The following TP63 variants were observed in gnomAD, a reference collection of about 807,000 sequenced individuals.
The protein encoded by TP63 is tumor protein p63.
TP63 carries 17 observed loss-of-function variants against 82.8 expected under a neutral mutation model. The observed-to-expected ratio is 0.21, with a 90% CI of 0.14 to 0.31. The LOEUF (loss-of-function observed/expected upper bound fraction) is 0.31, where lower values mean the gene tolerates loss of function less well. Among genes scored for constraint, TP63 ranks in the 10% least tolerant of loss-of-function variants. The pLI is 1.00. For synonymous variants in TP63, 330 were observed against 321.7 expected (o/e 1.03, Z -0.28); for missense variants, 648 against 895.3 (o/e 0.72, Z 3.52).
At chr3:189,756,959 G>A (rs1722232191) in intron 3 of TP63, among the ~76,000 whole-genome samples, 1 of 152,168 alleles carries the variant, frequency 6.6e-6, no homozygotes, top group Non-Finnish European at 1.5e-5. Context: ...TGATCAGGTG[G>A]AAATCCTATC....
chr3:189,806,040 C>CTTTTTTTT (rs34836784), intron 3 of TP63, among the ~76,000 whole-genome samples: 1 of 52,058 alleles, frequency 1.9e-5, no homozygotes, highest in Non-Finnish European at 3.3e-5. Context: ...GAAGCAAACA[C>CTTTTTTTT]TTTTTTTTTT....
At chr3:189,726,348 A>G (rs967068101) in intron 1 of TP63, among the ~76,000 whole-genome samples, 2 of 152,172 alleles carry the variant, frequency 1.3e-5, no homozygotes, top group Non-Finnish European at 2.9e-5. Flanking sequence ...TATTCATTCT[A>G]TGACATCGAA....
intron 1 of TP63, among the ~76,000 whole-genome samples, chr3:189,696,696 C>G (rs1577257949): frequency 6.6e-6 from 1 of 152,170 alleles, no homozygotes; most frequent in South Asian, 2.1e-4. Flanking sequence ...GGCCCCACAT[C>G]TTCACCAGCA....
intron 3 of TP63, among the ~76,000 whole-genome samples, chr3:189,777,845 C>CTTTTTT (rs55731981): frequency 0.011 from 427 of 37,822 alleles, 7 homozygotes; most frequent in Middle Eastern, 0.023. Context: ...TCTTCTTCTT[C>CTTTTTT]TTTTTTTTTT....
Position 189,894,599 on chromosome 3 carries a change from C to T in TP63, c.*97C>T. 1 of 1,430,730 alleles carries T rather than the reference C, an allele frequency of 7.0e-7. No individual in the cohort carries two copies. Among genetic ancestry groups the T allele is most frequent in the Non-Finnish European group, 9.6e-7 (1 of 1,046,870 alleles). 88.6% of individuals were successfully genotyped at this position (1,430,730 alleles called of 1,614,324 possible). On this transcript the variant is annotated 3_prime_UTR_variant, in exon 14 of 14. Coordinates refer to ENST00000264731, the MANE Select transcript of TP63 (RefSeq NM_003722.5). ...CAAAGCCTTCTCCCTAGCTCCTCCC[C>T]TTCCTCTTGTCTGATTTCTTAGGGG...
chr3:189,815,675 C>T (rs1460527964), intron 4 of TP63, among the ~76,000 whole-genome samples: 7 of 152,024 alleles, frequency 4.6e-5, no homozygotes, highest in Non-Finnish European at 8.8e-5. Context: ...GGCTGCATGC[C>T]ATCCTGTGCA....
intron 5 of TP63, 98 bp from the exon 6 acceptor site, chr3:189,866,582 CTA>C: frequency 9.5e-7 from 1 of 1,047,448 alleles, no homozygotes; most frequent in Non-Finnish European, 1.5e-6. Flanking sequence ...ATTATACAGA[CTA>C]TTTCTTTTGC....
rs1004110709 is a variant in TP63, at chr3:189,835,001, G to A, written c.579+26475G>A. Among the ~76,000 whole-genome samples, 8 of 151,512 alleles carry A rather than the reference G, an allele frequency of 5.3e-5. No individual in the cohort carries two copies. The Admixed American group carries it at 5.3e-4, about 10-fold the overall frequency. Reference sequence around the variant, plus strand: ...TTTAAATCTTCACTGAGATAGGGAAGAGTGACCTGATCTTATGGATCGTCC... The same window carrying A: ...TTTAAATCTTCACTGAGATAGGGAAAAGTGACCTGATCTTATGGATCGTCC... On this transcript the variant is annotated intron_variant, in intron 4 of 13. Transcript: ENST00000264731.
chr3:189,849,859 G>A (rs1337990102), intron 4 of TP63, among the ~76,000 whole-genome samples: 2 of 152,130 alleles, frequency 1.3e-5, no homozygotes, highest in African/African-American at 2.4e-5. Context: ...TGGACAAGAG[G>A]TGCTATAATG....
At chr3:189,675,917 G>C (rs956594147) in intron 1 of TP63, among the ~76,000 whole-genome samples, 1 of 138,014 alleles carries the variant, frequency 7.2e-6, no homozygotes, top group African/African-American at 2.7e-5. Flanking sequence ...GCTCCCACAA[G>C]TCCTTTTTTT....
At chr3:189,825,596 G>C (rs1316567238) in intron 4 of TP63, among the ~76,000 whole-genome samples, 3 of 152,130 alleles carry the variant, frequency 2.0e-5, no homozygotes, top group Non-Finnish European at 4.4e-5. Context: ...ACGTCAATAA[G>C]AAAGAATAAG....
intron 1 of TP63, among the ~76,000 whole-genome samples, chr3:189,639,874 T>G (rs1711664669): frequency 6.6e-6 from 1 of 152,296 alleles, no homozygotes; most frequent in African/African-American, 2.4e-5. Context: ...CTCTTTCTTT[T>G]AAAGTCAAGT....
At chr3:189,855,700 A>G (rs946721914) in intron 4 of TP63, among the ~76,000 whole-genome samples, 12 of 151,508 alleles carry the variant, frequency 7.9e-5, no homozygotes, top group South Asian at 2.1e-4. Context: ...GTGTGTATAT[A>G]TGTGTGTGTG....
At chr3:189,759,201 A>G (rs998855784) in intron 3 of TP63, among the ~76,000 whole-genome samples, 4 of 152,328 alleles carry the variant, frequency 2.6e-5, no homozygotes, top group South Asian at 2.1e-4. Flanking sequence ...AGAACTTGTT[A>G]AGAAATGCAA....
chr3:189,602,587 A>G, the TP63 span, among the ~76,000 whole-genome samples: 1 of 152,208 alleles, frequency 6.6e-6, no homozygotes, highest in African/African-American at 2.4e-5. Flanking sequence ...AGTTATAATT[A>G]AAGTATAATA....
chr3:189,748,926 T>C (rs549635906), intron 3 of TP63, among the ~76,000 whole-genome samples: 12 of 152,044 alleles, frequency 7.9e-5, no homozygotes, highest in Non-Finnish European at 1.0e-4. Flanking sequence ...ATAACATACA[T>C]TGGGGAAAGG....
chr3:189,798,061 T>C (rs1725897015), intron 3 of TP63, among the ~76,000 whole-genome samples: 1 of 152,044 alleles, frequency 6.6e-6, no homozygotes, highest in Admixed American at 6.6e-5. Context: ...GGGTAGAGGA[T>C]GTGTTATGCT....
intron 10 of TP63, among the ~76,000 whole-genome samples, chr3:189,883,408 C>T (rs974316529): frequency 6.6e-6 from 1 of 152,138 alleles, no homozygotes; most frequent in Non-Finnish European, 1.5e-5. Context: ...GACTGTTAAC[C>T]CCATTCAACT....
At chr3:189,767,197 A>G (rs552861064) in intron 3 of TP63, among the ~76,000 whole-genome samples, 1 of 152,302 alleles carries the variant, frequency 6.6e-6, no homozygotes, top group East Asian at 1.9e-4. Flanking sequence ...ATTATTTATT[A>G]GCATCTTAGG....
Sources: allele counts gnomAD v4.1 joint callset (sites outside exome capture counted in the v4.1 genomes callset), GRCh38; gene constraint gnomAD v4.1.1; transcripts MANE v1.5; gene names NCBI Gene and HGNC (gene_info 2026-07-23, HGNC 2026-07-21).